Variants in ZBTB47 observed in about 807,000 individuals in gnomAD.
ZBTB47 encodes the protein zinc finger and BTB domain containing 47, also known as zinc finger and BTB domain-containing protein 47.
Under a neutral mutation model 56.6 loss-of-function variants are expected in ZBTB47, and 24 were observed. The ratio of observed to expected loss-of-function variants is 0.42; its 90% CI spans 0.31 to 0.60. The LOEUF (loss-of-function observed/expected upper bound fraction) is 0.60, where lower values mean the gene tolerates loss of function less well. Among genes scored for constraint, ZBTB47 ranks in the 20% least tolerant of loss-of-function variants. ZBTB47 has a pLI of 0.14. For synonymous variants in ZBTB47, 414 were observed against 418.9 expected, an observed-to-expected ratio of 0.99 and a Z score of 0.14; for missense variants, 829 against 1,032.6, an observed-to-expected ratio of 0.80 and a Z score of 2.70.
At position 42,659,755 on chromosome 3, in the gene ZBTB47, A is replaced by G; in HGVS notation, c.1400A>G (p.Gln467Arg). The change falls in exon 2 of 6, where the codon CAG becomes CGG. Residue 467 changes from glutamine to arginine, a missense_variant. Physicochemically the swap from Gln to Arg is conservative, Grantham distance 43. Coordinates refer to ENST00000232974, the MANE Select transcript of ZBTB47 (RefSeq NM_145166.4). ...CACAGCCGCATGCAGATCTGCGACC[A>G]GTGCGGCAAGCGCTTCCTGCTGGAG... ...VTHSRMQICD[Q>R]CGKRFLLESE... 5 of 1,613,874 alleles carry G rather than the reference A, an allele frequency of 3.1e-6. No homozygotes were observed. Among genetic ancestry groups the G allele is most frequent in the Non-Finnish European group, 4.2e-6 (5 of 1,179,858 alleles).
In ZBTB47 at chr3:42,656,384, C is replaced by T. The variant is rs1710642605; in HGVS notation, c.-81-1891C>T. Among the ~76,000 whole-genome samples the T allele has an allele frequency of 6.6e-6, 1 of 152,178 alleles. No individual in the cohort carries two copies. Among genetic ancestry groups the T allele is most frequent in the Admixed American group, 6.5e-5 (1 of 15,280 alleles). Reference sequence around the variant, plus strand: ...TCCAGGGGCTCTGGACTGTGGAACCCTCTCATTCTGAGCCTCGGTTTCTCC... The same window carrying T: ...TCCAGGGGCTCTGGACTGTGGAACCTTCTCATTCTGAGCCTCGGTTTCTCC... On this transcript the variant is annotated intron_variant, in intron 1 of 5. Coordinates refer to ENST00000232974, the MANE Select transcript of ZBTB47 (RefSeq NM_145166.4). The surrounding 1 kb of genome is among the most constrained non-coding windows in gnomAD (Gnocchi z 5.8).
chr3:42,661,441 C>CT, intron 2 of ZBTB47, 44 bp from the exon 3 acceptor site: 1 of 1,602,934 alleles, frequency 6.2e-7, no homozygotes, highest in Non-Finnish European at 8.5e-7. Context: ...GTCCAAGACC[C>CT]TGGGGACTCA....
chr3:42,659,183 G>A lies in ZBTB47; in HGVS notation c.828G>A (p.Ser276=), dbSNP rs766823446. 5.2e-6 allele frequency: 8 copies of A among 1,524,110 alleles called. No homozygotes were observed. The highest frequency in any genetic ancestry group is 2.7e-5 in the African/African-American group (2 of 72,796). 94.4% of individuals were successfully genotyped at this position (1,524,110 alleles called of 1,614,324 possible). A position where few individuals can be genotyped will look rare whatever the true frequency, so the allele number is the denominator to read the frequency against. Residue 276 remains serine, a synonymous_variant, in exon 2 of 6, where the codon TCG becomes TCA. Coordinates refer to ENST00000232974, the MANE Select transcript of ZBTB47 (RefSeq NM_145166.4). ...LGREDGLQRH[S]DEEEEDDEEE... ...GGGAGGACGGGCTGCAGAGACACTC[G>A]GACGAGGAGGAGGAGGACGACGAGG...
rs139736873 is a variant in ZBTB47, at chr3:42,666,135, G to A, written c.*1537G>A. Among the ~76,000 whole-genome samples, 32 of 152,292 alleles carry A rather than the reference G, an allele frequency of 2.1e-4. No homozygotes were observed. In the East Asian group the frequency reaches 2.7e-3, roughly 13 times the overall value. ...GGGGACATTTTAATCATCAATAAAC[G>A]AAGCACTTTATTCTGTACAGATTTG... On this transcript the variant is annotated 3_prime_UTR_variant, in exon 6 of 6. Coordinates refer to ENST00000232974, the MANE Select transcript of ZBTB47 (RefSeq NM_145166.4).
rs566339572 is a variant in ZBTB47 at position 42,656,376 on chromosome 3, G to C, written c.-81-1899G>C. On this transcript the variant is annotated intron_variant, in intron 1 of 5. Transcript: ENST00000232974. The surrounding 1 kb of genome is among the most constrained non-coding windows in gnomAD (Gnocchi z 5.8). ...GCTGGGAGTCCAGGGGCTCTGGACT[G>C]TGGAACCCTCTCATTCTGAGCCTCG... 6.6e-6 allele frequency among the ~76,000 whole-genome samples: 1 copy of C among 152,330 alleles called. No individual in the cohort carries two copies. The highest frequency in any genetic ancestry group is 2.1e-4 in the South Asian group (1 of 4,834).
Position 42,666,465 on chromosome 3 carries a change from C to T in ZBTB47, c.*1867C>T, listed in dbSNP as rs373020228. Among the ~76,000 whole-genome samples, 5 of 151,794 alleles carry T rather than the reference C, an allele frequency of 3.3e-5. No homozygotes were observed. In the South Asian group the frequency reaches 8.3e-4, roughly 25 times the overall value. On this transcript the variant is annotated 3_prime_UTR_variant, in exon 6 of 6. Transcript: ENST00000232974. ...GGGCTTCCGTGATGTCCTCAGGGTC[C>T]CCCCCTCCCTGTTGCTATTTTTAAT...
chr3:42,663,703 C>A lies in ZBTB47; in HGVS notation c.1738-94C>A. On this transcript the variant is annotated intron_variant, in intron 4 of 5. Transcript: ENST00000232974. This position sits in a 1 kb window ranked among gnomAD's most constrained non-coding sequence, Gnocchi z 5.1. Reference sequence around the variant, plus strand: ...TGCCCAGGAGCCCCTGAGTGTGTCCCTCCTTGGCCCTGTGGCCACAGGGGA... The same window carrying A: ...TGCCCAGGAGCCCCTGAGTGTGTCCATCCTTGGCCCTGTGGCCACAGGGGA... 6.6e-7 allele frequency: 1 copy of A among 1,504,870 alleles called. No individual in the cohort carries two copies. The highest frequency in any genetic ancestry group is 1.3e-5 in the South Asian group (1 of 78,148). 93.2% of individuals were successfully genotyped at this position (1,504,870 alleles called of 1,614,324 possible).
At chr3:42,664,168 G>T in intron 5 of ZBTB47, 69 bp from the exon 6 acceptor site, 2 of 1,582,018 alleles carry the variant, frequency 1.3e-6, no homozygotes, top group Non-Finnish European at 1.7e-6. Flanking sequence ...CATGGGAGAC[G>T]GAGGCTGGCC....
rs1577630281 is a variant in ZBTB47, at chr3:42,664,557, A to G, written c.2203A>G (p.Thr735Ala). 3.0e-6 allele frequency: 3 copies of G among 997,024 alleles called. No individual in the cohort carries two copies. The African/African-American group carries it at 1.1e-4, about 38-fold the overall frequency. The allele number at this position is 997,024 out of a possible 1,614,324, so 61.8% of individuals were successfully genotyped here. A position where few individuals can be genotyped will look rare whatever the true frequency, so the allele number is the denominator to read the frequency against. ...HLPPPPPLFP[T>A]TASPGGRMNA... ...GCCGCCCCCGCCTCCGCTCTTCCCC[A>G]CCACTGCCAGCCCCGGCGGGAGGAT... is the stretch of plus-strand genomic sequence containing the variant. The change falls in exon 6 of 6, where the codon ACC becomes GCC. Residue 735 changes from threonine (T) to alanine (A), a missense_variant. Around this residue, in one of 6 missense-constraint regions of ZBTB47, gnomAD observed 115 missense variants for 117.2 expected, o/e 0.98. Coordinates refer to ENST00000232974, the MANE Select transcript of ZBTB47 (RefSeq NM_145166.4).
In ZBTB47 at chr3:42,664,766, G is replaced by C. The variant is rs1057414571; in HGVS notation, c.*168G>C. ...GGCCCCGACGAGGAGGGGTATGCAG[G>C]CTGGCAGGCCCCAGAGCTGGTGGAG... On this transcript the variant is annotated 3_prime_UTR_variant, in exon 6 of 6. Transcript: ENST00000232974. 11 of 753,296 alleles carry C rather than the reference G, an allele frequency of 1.5e-5. No individual in the cohort carries two copies. Among genetic ancestry groups the C allele is most frequent in the Non-Finnish European group, 2.0e-5 (11 of 541,180 alleles). The allele number at this position is 753,296 out of a possible 1,614,324, so 46.7% of individuals were successfully genotyped here.
rs897181233 is a variant in ZBTB47, at chr3:42,658,303, C to T, written c.-53C>T. The T allele has an allele frequency of 4.8e-5, 71 of 1,485,990 alleles. No homozygotes were observed. The highest frequency in any genetic ancestry group is 2.7e-5 in the Non-Finnish European group (30 of 1,120,994). 92.1% of individuals were successfully genotyped at this position (1,485,990 alleles called of 1,614,324 possible). A position where few individuals can be genotyped will look rare whatever the true frequency, so the allele number is the denominator to read the frequency against. ...CTGGTTGAGAAGACAACTGACTCCC[C>T]GGCGGCTGAGTTCTCGCTGGTGGAG... On this transcript the variant is annotated 5_prime_UTR_variant, in exon 2 of 6. Coordinates refer to ENST00000232974, the MANE Select transcript of ZBTB47 (RefSeq NM_145166.4).
chr3:42,656,365 G>T lies in ZBTB47; in HGVS notation c.-81-1910G>T, dbSNP rs1193252661. On this transcript the variant is annotated intron_variant, in intron 1 of 5. Transcript: ENST00000232974. The surrounding 1 kb of genome is among the most constrained non-coding windows in gnomAD (Gnocchi z 5.8). ...GTCTTAGCGGAGCTGGGAGTCCAGG[G>T]GCTCTGGACTGTGGAACCCTCTCAT... 6.6e-6 allele frequency among the ~76,000 whole-genome samples: 1 copy of T among 152,194 alleles called. No individual in the cohort carries two copies. Among genetic ancestry groups the T allele is most frequent in the African/African-American group, 2.4e-5 (1 of 41,446 alleles).
chr3:42,654,676 C>A lies in ZBTB47; in HGVS notation c.-82+793C>A, dbSNP rs1710615274. 1.0e-6 allele frequency: 1 copy of A among 984,916 alleles called. No homozygotes were observed. Among genetic ancestry groups the A allele is most frequent in the Non-Finnish European group, 1.2e-6 (1 of 829,742 alleles). 61.0% of individuals were successfully genotyped at this position (984,916 alleles called of 1,614,324 possible). A position where few individuals can be genotyped will look rare whatever the true frequency, so the allele number is the denominator to read the frequency against. On this transcript the variant is annotated intron_variant, in intron 1 of 5. Coordinates refer to ENST00000232974, the MANE Select transcript of ZBTB47 (RefSeq NM_145166.4). The surrounding 1 kb of genome is among the most constrained non-coding windows in gnomAD (Gnocchi z 5.0). ...GCGATCCCGCGGGGCCCTGTGAGCC[C>A]CCAGCGCCACGGCACCATGGTACGC...
In ZBTB47 at chr3:42,666,865, C is replaced by T. The variant is rs1348588328; in HGVS notation, c.*2267C>T. On this transcript the variant is annotated 3_prime_UTR_variant, in exon 6 of 6. Transcript: ENST00000232974. ...CAGCTTGACAGCTGGTCAAGACGGT[C>T]ACGGGAGCTCTAGGTGGGCACAACC... 6.6e-6 allele frequency among the ~76,000 whole-genome samples: 1 copy of T among 152,190 alleles called. No individual in the cohort carries two copies. Among genetic ancestry groups the T allele is most frequent in the Admixed American group, 6.5e-5 (1 of 15,288 alleles).
rs1350894337 is a variant in ZBTB47 at position 42,654,860 on chromosome 3, T to C, written c.-82+977T>C. Among the ~76,000 whole-genome samples, 1 of 151,354 alleles carries C rather than the reference T, an allele frequency of 6.6e-6. No individual in the cohort carries two copies. The highest frequency in any genetic ancestry group is 1.5e-5 in the Non-Finnish European group (1 of 67,820). ...GTCCCGCGGGCCGGGAATGCGGCGC[T>C]GTGGCGCTGCTCTCGGTGGGGAGGG... On this transcript the variant is annotated intron_variant, in intron 1 of 5. Transcript: ENST00000232974. The surrounding 1 kb of genome is among the most constrained non-coding windows in gnomAD (Gnocchi z 5.0).
chr3:42,659,508 G>T lies in ZBTB47; in HGVS notation c.1153G>T (p.Ala385Ser), dbSNP rs9878239. 3 of 1,538,014 alleles carry T rather than the reference G, an allele frequency of 2.0e-6. No homozygotes were observed. Among genetic ancestry groups the T allele is most frequent in the South Asian group, 1.3e-5 (1 of 78,172 alleles). The change falls in exon 2 of 6, where the codon GCC (alanine) becomes TCC (serine). Residue 385 changes from alanine to serine, a missense_variant. Ala to Ser is a moderately conservative substitution (Grantham distance 99). Coordinates refer to ENST00000232974, the MANE Select transcript of ZBTB47 (RefSeq NM_145166.4). The stretch of plus-strand genomic sequence containing the variant: ...CATGGCCACACGGTCCCGGGAGAAC[G>T]CCCGGCGCCGGGGTACCCCTGAACC... ...SHMATRSREN[A>S]RRRGTPEPEE...
At position 42,664,987 on chromosome 3, in the gene ZBTB47, A is replaced by T. The variant is rs1238166051; in HGVS notation, c.*389A>T. 5.9e-6 allele frequency: 1 copy of T among 169,302 alleles called. No homozygotes were observed. Among genetic ancestry groups the T allele is most frequent in the Admixed American group, 6.4e-5 (1 of 15,694 alleles). The allele number at this position is 169,302 out of a possible 1,614,324, so 10.5% of individuals were successfully genotyped here. On this transcript the variant is annotated 3_prime_UTR_variant, in exon 6 of 6. Coordinates refer to ENST00000232974, the MANE Select transcript of ZBTB47 (RefSeq NM_145166.4). Reference sequence around the variant, plus strand: ...GTCCCTCTGCCAAGGCCTGTGCCAGAGGGGTTGGCCAGTTGGAGCCTGGGT... The same window carrying T: ...GTCCCTCTGCCAAGGCCTGTGCCAGTGGGGTTGGCCAGTTGGAGCCTGGGT...
Position 42,659,682 on chromosome 3 carries a change from C to A in ZBTB47, c.1327C>A (p.Arg443=), listed in dbSNP as rs369661100. Residue 443 remains arginine, a synonymous_variant, in exon 2 of 6, where the codon CGA becomes AGA. Coordinates refer to ENST00000232974, the MANE Select transcript of ZBTB47 (RefSeq NM_145166.4). The stretch of plus-strand genomic sequence containing the variant: ...GCACCATCCATGCCAGAAGTGCCCA[C>A]GAGTTTTCAACAACCGCTGGTACCT... ...KQHHPCQKCP[R]VFNNRWYLEK... is the part of the protein sequence containing the mutation. The A allele has an allele frequency of 1.1e-5, 17 of 1,612,870 alleles. No individual in the cohort carries two copies. The African/African-American group carries it at 2.1e-4, about 20-fold the overall frequency.
In ZBTB47 at chr3:42,664,610, C is replaced by T; in HGVS notation, c.*12C>T. 1 of 1,400,726 alleles carries T rather than the reference C, an allele frequency of 7.1e-7. No homozygotes were observed. The highest frequency in any genetic ancestry group is 2.9e-5 in the East Asian group (1 of 34,280). The allele number at this position is 1,400,726 out of a possible 1,614,324, so 86.8% of individuals were successfully genotyped here. The stretch of plus-strand genomic sequence containing the variant: ...ACGCCAACAACTAGCTGCCGAGCTG[C>T]ACCCGTGCACCCGCTGGGGCCTGGA... On this transcript the variant is annotated 3_prime_UTR_variant, in exon 6 of 6. Coordinates refer to ENST00000232974, the MANE Select transcript of ZBTB47 (RefSeq NM_145166.4).
Sources: allele counts gnomAD v4.1 joint callset (sites outside exome capture counted in the v4.1 genomes callset), GRCh38; gene constraint gnomAD v4.1.1; regional missense constraint gnomAD v4.1.1; non-coding constraint Gnocchi (gnomAD v3.1); transcripts MANE v1.5; gene names NCBI Gene and HGNC (gene_info 2026-07-23, HGNC 2026-07-21).